Variants in ACAD9 observed in about 807,000 individuals in gnomAD.
The protein encoded by ACAD9 is acyl-CoA dehydrogenase family member 9.
ACAD9 carries 53 observed loss-of-function variants against 70.2 expected under a neutral mutation model. The observed-to-expected ratio is 0.75, with a 90% CI of 0.61 to 0.95. The LOEUF is 0.95. Among genes scored for constraint, ACAD9 ranks in the 40% least tolerant of loss-of-function variants. The probability of loss-of-function intolerance (pLI) is 0.00; values close to 1 mark genes in which losing one functional copy is unlikely to be tolerated. For missense variants in ACAD9, 777 were observed against 802.8 expected (o/e 0.97, Z 0.39); for synonymous variants, 313 against 312.1 (o/e 1.00, Z -0.03).
intron 2 of ACAD9, among the ~76,000 whole-genome samples, chr3:128,887,618 T>C (rs867546748): frequency 8.4e-6 from 1 of 119,210 alleles, no homozygotes; most frequent in Non-Finnish European, 1.7e-5. Flanking sequence ...CAAAAAAAAA[T>C]AAAAATAAAA....
rs1227650156 is a variant in ACAD9, at chr3:128,912,650, G to A, written c.*43G>A. 5 of 1,509,830 alleles carry A rather than the reference G, an allele frequency of 3.3e-6. No homozygotes were observed. In the Middle Eastern group the frequency reaches 5.1e-4, roughly 154 times the overall value. 93.5% of individuals were successfully genotyped at this position (1,509,830 alleles called of 1,614,324 possible). A position where few individuals can be genotyped will look rare whatever the true frequency, so the allele number is the denominator to read the frequency against. On this transcript the variant is annotated 3_prime_UTR_variant, in exon 18 of 18. Coordinates refer to ENST00000308982, the MANE Select transcript of ACAD9 (RefSeq NM_014049.5). The stretch of plus-strand genomic sequence containing the variant: ...CCTGCTACCGCCCGCCCCTACCCAT[G>A]GCCCGTTGCTGGATGACTGTTACTC...
At position 128,879,667 on chromosome 3, in the gene ACAD9, C is replaced by T. The variant is rs777787235; in HGVS notation, c.-25C>T. On this transcript the variant is annotated 5_prime_UTR_variant, in exon 1 of 18. Transcript: ENST00000308982. Reference sequence around the variant, plus strand: ...CGGCGCTAAGAAGGGGAGACTGAGGCTGAGGCTGGGGAACATCGGGCAGCA... The same window carrying T: ...CGGCGCTAAGAAGGGGAGACTGAGGTTGAGGCTGGGGAACATCGGGCAGCA... 2 of 1,611,788 alleles carry T rather than the reference C, an allele frequency of 1.2e-6. No homozygotes were observed. Among genetic ancestry groups the T allele is most frequent in the East Asian group, 4.5e-5 (2 of 44,874 alleles).
At chr3:128,887,495 T>TGGGA (rs1365371629) in intron 2 of ACAD9, among the ~76,000 whole-genome samples, 4 of 151,460 alleles carry the variant, frequency 2.6e-5, no homozygotes, top group Non-Finnish European at 5.9e-5. Flanking sequence ...TAGTCCCAGC[T>TGGGA]ACTTGGGAGT....
intron 17 of ACAD9, 32 bp downstream of exon 17, chr3:128,910,845 G>A (rs1356210625): frequency 1.2e-6 from 2 of 1,610,936 alleles, no homozygotes; most frequent in East Asian, 4.5e-5. Context: ...AGGGAAGGAA[G>A]GGCCCACTTC....
At chr3:128,898,294 C>T (rs532482628) in intron 6 of ACAD9, 32 of 377,698 alleles carry the variant, frequency 8.5e-5, no homozygotes, top group South Asian at 1.8e-4. Flanking sequence ...ACCTCCAGAT[C>T]GCATGGTAAC....
chr3:128,891,918 G>C (rs1394015573), intron 2 of ACAD9, among the ~76,000 whole-genome samples: 1 of 152,106 alleles, frequency 6.6e-6, no homozygotes, highest in Non-Finnish European at 1.5e-5. Context: ...ACTGTTTATT[G>C]AATTTGGATA....
intron 1 of ACAD9, among the ~76,000 whole-genome samples, chr3:128,881,810 A>G (rs1036221478): frequency 6.6e-6 from 1 of 152,170 alleles, no homozygotes; most frequent in African/African-American, 2.4e-5. Flanking sequence ...CTCTGTGTCC[A>G]TTGCTGGTTC....
chr3:128,908,790 C>T (rs1335247914), intron 13 of ACAD9, among the ~76,000 whole-genome samples, 183 bp from the exon 14 acceptor site: 1 of 152,142 alleles, frequency 6.6e-6, no homozygotes, highest in African/African-American at 2.4e-5. Flanking sequence ...GTGTGGCTCC[C>T]CTGAGGAGAC....
At chr3:128,899,521 A>G (rs1415993186) in intron 7 of ACAD9, 60 bp downstream of exon 7, 1 of 1,211,338 alleles carries the variant, frequency 8.3e-7, no homozygotes, top group Non-Finnish European at 1.1e-6. Context: ...CTGGCCTTTG[A>G]CGGTGTGTGT....
Position 128,912,877 on chromosome 3 carries a change from G to T in ACAD9, c.*270G>T, listed in dbSNP as rs760273213. 6.5e-6 allele frequency: 4 copies of T among 611,796 alleles called. No individual in the cohort carries two copies. Among genetic ancestry groups the T allele is most frequent in the South Asian group, 4.2e-5 (3 of 72,148 alleles). 37.9% of individuals were successfully genotyped at this position (611,796 alleles called of 1,614,324 possible). On this transcript the variant is annotated 3_prime_UTR_variant, in exon 18 of 18. Transcript: ENST00000308982. ...ACCCCTGGAACTGGCGGGTATTCTGGTCATTGAGGAGACACCATAGTGGAA... is the reference window on the plus strand; with the variant it reads ...ACCCCTGGAACTGGCGGGTATTCTGTTCATTGAGGAGACACCATAGTGGAA...
rs745635703 is a variant in ACAD9, at chr3:128,897,583, A to G, written c.555-49A>G. 4 of 1,562,858 alleles carry G rather than the reference A, an allele frequency of 2.6e-6. No individual in the cohort carries two copies. The Admixed American group carries it at 5.4e-5, about 21-fold the overall frequency. On this transcript the variant is annotated intron_variant, in intron 5 of 17. Coordinates refer to ENST00000308982, the MANE Select transcript of ACAD9 (RefSeq NM_014049.5). Reference sequence around the variant, plus strand: ...CATTTTCAGGCCCTCAAAAGCATTCATATTTATTCCCAGTATTCTCCCTTG... The same window carrying G: ...CATTTTCAGGCCCTCAAAAGCATTCGTATTTATTCCCAGTATTCTCCCTTG...
chr3:128,905,711 C>A (rs1935866309), intron 11 of ACAD9, among the ~76,000 whole-genome samples: 1 of 152,168 alleles, frequency 6.6e-6, no homozygotes, highest in Non-Finnish European at 1.5e-5. Flanking sequence ...TTGCTGTAGG[C>A]CAGCCTCTTC....
In ACAD9 at chr3:128,899,471, T is replaced by C. The variant is rs943626671; in HGVS notation, c.808+10T>C. 1 of 1,612,938 alleles carries C rather than the reference T, an allele frequency of 6.2e-7. No individual in the cohort carries two copies. Among genetic ancestry groups the C allele is most frequent in the Non-Finnish European group, 8.5e-7 (1 of 1,179,652 alleles). The stretch of plus-strand genomic sequence containing the variant: ...ATTCGGGGCTCCAACAGTAAGTAGC[T>C]CCTGTGCGCGCGTGCGCGTGTGTGT... On this transcript the variant is annotated intron_variant, in intron 7 of 17. Transcript: ENST00000308982.
At chr3:128,907,263 A>G (rs953601124) in intron 12 of ACAD9, among the ~76,000 whole-genome samples, 3 of 151,954 alleles carry the variant, frequency 2.0e-5, no homozygotes, top group African/African-American at 7.3e-5. Flanking sequence ...TGGCCTACCC[A>G]TTGGGTTCCA....
intron 5 of ACAD9, 124 bp downstream of exon 5, chr3:128,896,660 A>T: frequency 4.3e-6 from 4 of 927,614 alleles, no homozygotes; most frequent in Non-Finnish European, 6.9e-6. Context: ...CTTGCAAAGA[A>T]TCAACTCAGC....
At chr3:128,880,171 T>C (rs1421611274) in intron 1 of ACAD9, 1 of 577,982 alleles carries the variant, frequency 1.7e-6, no homozygotes, top group African/African-American at 1.9e-5. Context: ...CGGGGCTTCC[T>C]CTCTGATTCC....
At chr3:128,880,088 G>C (rs1935042548) in intron 1 of ACAD9, 1 of 1,426,664 alleles carries the variant, frequency 7.0e-7, no homozygotes, top group South Asian at 1.3e-5. Flanking sequence ...TTTTGTCAGG[G>C]GAATTCGGAA....
At chr3:128,888,444 T>C (rs1935316995) in intron 2 of ACAD9, among the ~76,000 whole-genome samples, 1 of 152,124 alleles carries the variant, frequency 6.6e-6, no homozygotes, top group Non-Finnish European at 1.5e-5. Flanking sequence ...CCAGGTGTGT[T>C]GGTGCCCACC....
chr3:128,903,854 C>G (rs531669575), intron 9 of ACAD9, among the ~76,000 whole-genome samples: 12 of 152,282 alleles, frequency 7.9e-5, no homozygotes, highest in South Asian at 4.1e-4. Flanking sequence ...ATGCCAAACT[C>G]TGTGTGTGGG....
Sources: gnomAD v4.1 joint callset for allele counts (sites outside exome capture counted in the v4.1 genomes callset) on GRCh38, gnomAD v4.1.1 for gene constraint, MANE v1.5 for transcripts, NCBI Gene and HGNC (gene_info 2026-07-23, HGNC 2026-07-21) for gene names.